Variants in TENM2 observed in about 807,000 individuals in gnomAD.
TENM2 encodes teneurin transmembrane protein 2.
Under a neutral mutation model 245.2 loss-of-function variants are expected in TENM2, and 52 were observed. That is an observed-to-expected ratio of 0.21 (90% CI 0.17 to 0.27). TENM2 has a LOEUF of 0.27. TENM2 is among the 10% of genes least tolerant of loss of function. TENM2 has a pLI of 1.00. For missense variants in TENM2, 3,046 were observed against 3,666.8 expected (o/e 0.83, Z 4.37); for synonymous variants, 1,363 against 1,438.9 (o/e 0.95, Z 1.19).
the TENM2 span, among the ~76,000 whole-genome samples, chr5:167,195,895 A>C: frequency 6.6e-6 from 1 of 152,106 alleles, no homozygotes; most frequent in Admixed American, 6.6e-5. Flanking sequence ...ATTATTTAAA[A>C]TTTTTTATTG....
intron 25 of TENM2, among the ~76,000 whole-genome samples, chr5:168,235,802 G>A (rs1765376373): frequency 7.9e-6 from 1 of 125,952 alleles, no homozygotes; most frequent in South Asian, 2.5e-4. Context: ...GTGAGACTCT[G>A]CCTCAAAGAA....
intron 13 of TENM2, among the ~76,000 whole-genome samples, chr5:168,170,733 TC>T (rs1758735161): frequency 6.6e-6 from 1 of 152,198 alleles, no homozygotes; most frequent in South Asian, 2.1e-4. Flanking sequence ...TGCTCTCTGT[TC>T]CTCCACACAG....
chr5:167,434,518 A>T (rs558968073), intron 2 of TENM2, among the ~76,000 whole-genome samples: 17 of 151,926 alleles, frequency 1.1e-4, no homozygotes, highest in African/African-American at 4.1e-4. Flanking sequence ...CAAAATACTC[A>T]ACCAAATTGT....
chr5:167,328,204 G>GTTTT (rs70976412), intron 1 of TENM2, among the ~76,000 whole-genome samples: 271 of 90,904 alleles, frequency 3.0e-3, no homozygotes, highest in African/African-American at 3.9e-3. Context: ...TTCTCATATC[G>GTTTT]TTTTTTTTTT....
At chr5:167,827,147 C>G (rs1385617579) in intron 2 of TENM2, among the ~76,000 whole-genome samples, 1 of 152,142 alleles carries the variant, frequency 6.6e-6, no homozygotes, top group East Asian at 1.9e-4. Context: ...CTGTTTTAAC[C>G]AGATAACGAA....
chr5:167,029,771 C>T, the TENM2 span, among the ~76,000 whole-genome samples: 1 of 152,172 alleles, frequency 6.6e-6, no homozygotes, highest in Non-Finnish European at 1.5e-5. Context: ...ACACTTGACA[C>T]TTGATCCTTA....
the TENM2 span, among the ~76,000 whole-genome samples, chr5:167,059,160 A>T: frequency 6.6e-6 from 1 of 152,216 alleles, no homozygotes; most frequent in Non-Finnish European, 1.5e-5. Flanking sequence ...GTAACACTGG[A>T]ATTCCCTCAC....
intron 4 of TENM2, among the ~76,000 whole-genome samples, chr5:167,963,730 C>G (rs2151895398): frequency 6.6e-6 from 1 of 152,246 alleles, no homozygotes; most frequent in African/African-American, 2.4e-5. Context: ...GCATTGCTCT[C>G]TTGATGTCCC....
chr5:167,564,295 G>C (rs1185037115), intron 2 of TENM2, among the ~76,000 whole-genome samples: 1 of 152,182 alleles, frequency 6.6e-6, no homozygotes, highest in Non-Finnish European at 1.5e-5. Context: ...TGTTCATGAA[G>C]AAGAACCTTT....
chr5:167,426,547 A>C (rs1035466437), intron 2 of TENM2, among the ~76,000 whole-genome samples: 8 of 41,660 alleles, frequency 1.9e-4, no homozygotes, highest in Non-Finnish European at 3.5e-4. Flanking sequence ...TTGCCTTTAC[A>C]AAAAAAAAAA....
At chr5:167,851,561 A>T (rs553371585) in intron 2 of TENM2, among the ~76,000 whole-genome samples, 1 of 152,276 alleles carries the variant, frequency 6.6e-6, no homozygotes, top group Non-Finnish European at 1.5e-5. Context: ...TGGGCCTTGG[A>T]TGTAGCAATA....
chr5:167,246,015 T>C, the TENM2 span, among the ~76,000 whole-genome samples: 1 of 152,152 alleles, frequency 6.6e-6, no homozygotes. Context: ...CCTTGTTCAT[T>C]TCCTTTTCCC....
chr5:167,401,913 G>C (rs2127387166), intron 2 of TENM2, among the ~76,000 whole-genome samples: 1 of 152,194 alleles, frequency 6.6e-6, no homozygotes, highest in East Asian at 1.9e-4. Flanking sequence ...AGAACTTATA[G>C]AGGATATATT....
intron 2 of TENM2, among the ~76,000 whole-genome samples, chr5:167,844,616 G>T (rs892010333): frequency 4.6e-5 from 7 of 152,092 alleles, no homozygotes; most frequent in African/African-American, 1.7e-4. Context: ...AAGGGGAAGT[G>T]GTGCACCTGC....
the TENM2 span, among the ~76,000 whole-genome samples, chr5:167,214,732 G>A: frequency 1.0e-3 from 158 of 152,262 alleles, 1 homozygote; most frequent in East Asian, 0.017. Flanking sequence ...GTCACTTGGA[G>A]CAGAGGAGGA....
the TENM2 span, among the ~76,000 whole-genome samples, chr5:167,075,198 T>TAGAG: frequency 6.7e-6 from 1 of 149,206 alleles, no homozygotes; most frequent in Non-Finnish European, 1.5e-5. Context: ...ACTGCAGAGT[T>TAGAG]AGAGAGAGAG....
chr5:167,847,747 C>T (rs1770180405), intron 2 of TENM2, among the ~76,000 whole-genome samples: 1 of 152,196 alleles, frequency 6.6e-6, no homozygotes, highest in Non-Finnish European at 1.5e-5. Flanking sequence ...GGAAGAAGTA[C>T]AGCTTCTTTT....
At chr5:167,840,637 A>G (rs1769420581) in intron 2 of TENM2, among the ~76,000 whole-genome samples, 1 of 152,128 alleles carries the variant, frequency 6.6e-6, no homozygotes, top group Admixed American at 6.5e-5. Context: ...TAGTCTCACA[A>G]GAGAGTAGCA....
At chr5:167,627,837 G>A (rs539167415) in intron 2 of TENM2, among the ~76,000 whole-genome samples, 18 of 152,218 alleles carry the variant, frequency 1.2e-4, no homozygotes, top group East Asian at 1.9e-4. Context: ...GATTACAGGC[G>A]TGAGCCACCA....
Sources: allele counts gnomAD v4.1 joint callset (sites outside exome capture counted in the v4.1 genomes callset), GRCh38; gene constraint gnomAD v4.1.1; transcripts MANE v1.5; gene names NCBI Gene and HGNC (gene_info 2026-07-23, HGNC 2026-07-21).